Variants in TMEM232 observed in about 807,000 individuals in gnomAD.
TMEM232 encodes transmembrane protein 232.
In TMEM232, 80 loss-of-function variants were observed where a neutral mutation model predicts 78.8. The ratio of observed to expected loss-of-function variants is 1.01; its 90% CI spans 0.85 to 1.22. The LOEUF is 1.22. Among genes scored for constraint, TMEM232 ranks in the 50% most tolerant of loss-of-function variants. The pLI, the probability that TMEM232 is intolerant of heterozygous loss-of-function variation, is 0.00. For missense variants in TMEM232, 881 were observed against 742.2 expected, an observed-to-expected ratio of 1.19 and a Z score of -2.17; for synonymous variants, 297 against 254.3, an observed-to-expected ratio of 1.17 and a Z score of -1.60.
At chr5:110,551,317 G>A (rs1774429887) in intron 11 of TMEM232, among the ~76,000 whole-genome samples, 1 of 152,100 alleles carries the variant, frequency 6.6e-6, no homozygotes, top group Non-Finnish European at 1.5e-5. Context: ...TCTGCCCTCC[G>A]AGTTCAAGCA....
intron 1 of TMEM232, among the ~76,000 whole-genome samples, chr5:110,685,331 G>A (rs1327912611): frequency 6.6e-6 from 1 of 151,932 alleles, no homozygotes; most frequent in South Asian, 2.1e-4. Context: ...CCAAAAAAGT[G>A]GAAGTGAAGA....
intron 12 of TMEM232, among the ~76,000 whole-genome samples, chr5:110,522,351 C>T (rs1292055006): frequency 6.6e-6 from 1 of 152,092 alleles, no homozygotes; most frequent in African/African-American, 2.4e-5. Context: ...TATATAAGGT[C>T]ATATCACCTG....
chr5:110,575,349 G>C (rs981397254), intron 10 of TMEM232, among the ~76,000 whole-genome samples: 5 of 151,986 alleles, frequency 3.3e-5, no homozygotes, highest in Admixed American at 6.6e-5. Flanking sequence ...TTAAAAGTTA[G>C]CTGATTCTTT....
At chr5:110,451,878 A>C (rs1441949503) in intron 12 of TMEM232, among the ~76,000 whole-genome samples, 1 of 152,086 alleles carries the variant, frequency 6.6e-6, no homozygotes, top group East Asian at 1.9e-4. Context: ...TTTTAAATAC[A>C]AGAAGAAATA....
intron 10 of TMEM232, among the ~76,000 whole-genome samples, chr5:110,579,515 A>G (rs931461032): frequency 6.6e-6 from 1 of 151,872 alleles, no homozygotes; most frequent in African/African-American, 2.4e-5. Context: ...TATACATAAT[A>G]TAAATAGATG....
intron 12 of TMEM232, among the ~76,000 whole-genome samples, chr5:110,513,473 G>A (rs1333513786): frequency 6.6e-6 from 1 of 151,474 alleles, no homozygotes. Flanking sequence ...CAAAACACAA[G>A]AACACCAAAA....
intron 3 of TMEM232, among the ~76,000 whole-genome samples, chr5:110,641,885 T>G (rs979775879): frequency 6.6e-6 from 1 of 152,202 alleles, no homozygotes; most frequent in African/African-American, 2.4e-5. Context: ...GAAGAATAGT[T>G]TGTTACAGAG....
At chr5:110,694,616 C>T (rs919242495) in intron 1 of TMEM232, among the ~76,000 whole-genome samples, 4 of 151,910 alleles carry the variant, frequency 2.6e-5, no homozygotes, top group African/African-American at 9.7e-5. Context: ...GAAGATCTAC[C>T]AAGCAAATGG....
At chr5:110,631,135 C>T (rs1352188273) in intron 5 of TMEM232, among the ~76,000 whole-genome samples, 1 of 152,176 alleles carries the variant, frequency 6.6e-6, no homozygotes, top group Non-Finnish European at 1.5e-5. Context: ...TACAGTGGCA[C>T]AGCATTGCTG....
rs529214609 is a variant in TMEM232, at chr5:110,420,260, A to G, written c.*320T>C. 19 of 180,732 alleles carry G rather than the reference A, an allele frequency of 1.1e-4. No individual in the cohort carries two copies. Among genetic ancestry groups the G allele is most frequent in the African/African-American group, 2.1e-4 (9 of 42,796 alleles). 11.2% of individuals were successfully genotyped at this position (180,732 alleles called of 1,614,324 possible). On this transcript the variant is annotated 3_prime_UTR_variant, in exon 14 of 14. Transcript: ENST00000455884. ...CAAACTGTTTGTTTGATGAATATCA[A>G]TGTTCTGAGAATCAGTTATCAAGTA...
chr5:110,669,625 A>C (rs2150139266), intron 1 of TMEM232, among the ~76,000 whole-genome samples: 1 of 152,304 alleles, frequency 6.6e-6, no homozygotes, highest in South Asian at 2.1e-4. Context: ...TCCCTAACTC[A>C]TTTTATGAGG....
downstream of TMEM232, chr5:110,418,188 A>T (rs1405432233): frequency 6.6e-6 from 1 of 152,164 alleles, no homozygotes; most frequent in Non-Finnish European, 1.5e-5. Flanking sequence ...ACCTTTGAAA[A>T]TAATTTTTTA....
intron 5 of TMEM232, among the ~76,000 whole-genome samples, chr5:110,629,195 A>G (rs985994557): frequency 2.6e-5 from 4 of 152,112 alleles, no homozygotes; most frequent in African/African-American, 9.6e-5. Flanking sequence ...ACTAATCAGA[A>G]GGAGGATAAT....
Position 110,510,993 on chromosome 5 carries a change from G to A in TMEM232, c.1703+17595C>T, listed in dbSNP as rs374193996. Among the ~76,000 whole-genome samples, 5 of 152,180 alleles carry A rather than the reference G, an allele frequency of 3.3e-5. No homozygotes were observed. The East Asian group carries it at 7.7e-4, about 23-fold the overall frequency. ...CATTCTACTATAAAGACACATGCACGTGTATGTTTATTGCAGCACTATTCA... is the reference window on the plus strand; with the variant it reads ...CATTCTACTATAAAGACACATGCACATGTATGTTTATTGCAGCACTATTCA... On this transcript the variant is annotated intron_variant, in intron 12 of 13. Transcript: ENST00000455884.
intron 12 of TMEM232, among the ~76,000 whole-genome samples, chr5:110,488,867 G>C (rs1232716281): frequency 2.6e-5 from 4 of 151,912 alleles, no homozygotes; most frequent in Admixed American, 2.6e-4. Context: ...GAGAATGAAA[G>C]AGGAAACATT....
chr5:110,651,960 T>C (rs138947333), intron 2 of TMEM232, among the ~76,000 whole-genome samples: 319 of 152,304 alleles, frequency 2.1e-3, no homozygotes, highest in Middle Eastern at 0.017. Flanking sequence ...CTGTTGTACA[T>C]AGAATTTGCT....
rs539388275 is a variant in TMEM232 at position 110,614,551 on chromosome 5, C to T, written c.902+3878G>A. Among the ~76,000 whole-genome samples the T allele has an allele frequency of 1.9e-4, 29 of 152,038 alleles. 1 individual carries two copies. In the East Asian group the frequency reaches 5.0e-3, roughly 26 times the overall value. On this transcript the variant is annotated intron_variant, in intron 8 of 13. Coordinates refer to ENST00000455884, the MANE Select transcript of TMEM232 (RefSeq NM_001039763.4). ...ATGCAATACAGCAAAATCTAAAAAT[C>T]GGTTAAAGAAAGAATTGAATTCCAC...
chr5:110,408,490 G>A (rs1005925924), intron 2 of TMEM232, among the ~76,000 whole-genome samples: 29 of 151,924 alleles, frequency 1.9e-4, no homozygotes, highest in African/African-American at 6.0e-4. Context: ...TACTAGGGAG[G>A]CTGAGACAGG....
chr5:110,438,812 C>T (rs1758712802), intron 12 of TMEM232, among the ~76,000 whole-genome samples: 2 of 152,054 alleles, frequency 1.3e-5, no homozygotes, highest in Admixed American at 1.3e-4. Flanking sequence ...TAGTATTTCT[C>T]CCAATTCCAT....
Sources: gnomAD v4.1 joint callset for allele counts (sites outside exome capture counted in the v4.1 genomes callset) on GRCh38, gnomAD v4.1.1 for gene constraint, MANE v1.5 for transcripts, NCBI Gene and HGNC (gene_info 2026-07-23, HGNC 2026-07-21) for gene names.